The following KCND2 variants were observed in gnomAD, a reference collection of about 807,000 sequenced individuals.
KCND2 encodes A-type voltage-gated potassium channel KCND2.
A neutral mutation model predicts 54.4 loss-of-function variants in KCND2; 16 were observed. That is an observed-to-expected ratio of 0.29 (90% CI 0.20 to 0.45). The LOEUF is 0.45. Ranked by LOEUF, KCND2 falls within the 20% of genes least tolerant of loss-of-function variation. KCND2 has a pLI of 1.00. For synonymous variants in KCND2, 317 were observed against 310.7 expected, an observed-to-expected ratio of 1.02 and a Z score of -0.21; for missense variants, 486 against 824.2, an observed-to-expected ratio of 0.59 and a Z score of 5.02.
intron 1 of KCND2, among the ~76,000 whole-genome samples, chr7:120,585,801 G>A (rs920811365): frequency 2.0e-5 from 3 of 152,130 alleles, no homozygotes; most frequent in East Asian, 1.9e-4. Flanking sequence ...ATATTTGAAC[G>A]CAATGATAAT....
intron 1 of KCND2, among the ~76,000 whole-genome samples, chr7:120,644,564 T>C (rs542370635): frequency 9.8e-4 from 150 of 152,320 alleles, no homozygotes; most frequent in Middle Eastern, 6.8e-3. Context: ...AAAGATTTTG[T>C]TTCTCATCAA....
intron 1 of KCND2, among the ~76,000 whole-genome samples, chr7:120,442,247 T>C (rs1382153707): frequency 6.6e-6 from 1 of 152,104 alleles, no homozygotes; most frequent in Non-Finnish European, 1.5e-5. Flanking sequence ...CTGCTGTCCA[T>C]GAGTCTAATC....
At chr7:120,474,463 A>G (rs564293901) in intron 1 of KCND2, among the ~76,000 whole-genome samples, 27 of 151,584 alleles carry the variant, frequency 1.8e-4, no homozygotes, top group African/African-American at 6.1e-4. Flanking sequence ...TTAGTCTCCA[A>G]TGTAGCTGGG....
chr7:120,403,808 A>C (rs1239610910), intron 1 of KCND2, among the ~76,000 whole-genome samples: 1 of 152,100 alleles, frequency 6.6e-6, no homozygotes, highest in Non-Finnish European at 1.5e-5. Context: ...TTTTCCAGAT[A>C]TAAACAATGA....
chr7:120,525,114 G>A (rs112476816), intron 1 of KCND2, among the ~76,000 whole-genome samples: 9 of 152,152 alleles, frequency 5.9e-5, no homozygotes, highest in African/African-American at 2.2e-4. Context: ...TCCTATCATT[G>A]TTTTAGATAA....
intron 1 of KCND2, among the ~76,000 whole-genome samples, chr7:120,347,555 C>T (rs1489113125): frequency 1.3e-5 from 2 of 151,722 alleles, no homozygotes; most frequent in South Asian, 2.1e-4. Flanking sequence ...GTTAGGAGTT[C>T]GAGACCAGCC....
intron 1 of KCND2, among the ~76,000 whole-genome samples, chr7:120,727,999 T>G (rs1001824621): frequency 6.6e-6 from 1 of 151,464 alleles, no homozygotes; most frequent in African/African-American, 2.4e-5. Flanking sequence ...CTGGGTGTGG[T>G]GGCATGTGCC....
At chr7:120,477,659 G>C (rs1802550896) in intron 1 of KCND2, among the ~76,000 whole-genome samples, 1 of 152,068 alleles carries the variant, frequency 6.6e-6, no homozygotes, top group Non-Finnish European at 1.5e-5. Flanking sequence ...AGAAGAGGGG[G>C]AAAGAGAACT....
At chr7:120,313,792 C>A (rs1257085868) in intron 1 of KCND2, among the ~76,000 whole-genome samples, 1 of 127,184 alleles carries the variant, frequency 7.9e-6, no homozygotes, top group African/African-American at 2.8e-5. Flanking sequence ...TCTTTGGAAA[C>A]ATGCAATATT....
rs767210423 is a variant in KCND2, at chr7:120,364,661, T to C, written c.1115+88914T>C. Among the ~76,000 whole-genome samples the C allele has an allele frequency of 1.6e-4, 25 of 152,028 alleles. 1 individual carries two copies. The highest frequency in any genetic ancestry group is 1.2e-4 in the Non-Finnish European group (8 of 67,990). ...TAGAGGTCATTGGACAGACATTATC[T>C]AAGAGGAAACATCAAGGGTAAGGAG... On this transcript the variant is annotated intron_variant, in intron 1 of 5. Coordinates refer to ENST00000331113, the MANE Select transcript of KCND2 (RefSeq NM_012281.3).
intron 1 of KCND2, among the ~76,000 whole-genome samples, chr7:120,328,707 T>A (rs182479661): frequency 3.4e-4 from 52 of 152,318 alleles, no homozygotes; most frequent in Middle Eastern, 6.8e-3. Context: ...TCTTTCATCT[T>A]TACATTTTCT....
chr7:120,564,717 T>C (rs550038619), intron 1 of KCND2, among the ~76,000 whole-genome samples: 1 of 152,262 alleles, frequency 6.6e-6, no homozygotes, highest in African/African-American at 2.4e-5. Context: ...GCGTTAAACA[T>C]CTTATCTCTA....
At chr7:120,435,341 C>T (rs965715228) in intron 1 of KCND2, among the ~76,000 whole-genome samples, 7 of 150,922 alleles carry the variant, frequency 4.6e-5, no homozygotes, top group Non-Finnish European at 8.8e-5. Flanking sequence ...TCTTGAACTC[C>T]TGACCTCAAG....
At chr7:120,646,739 T>C (rs1793447434) in intron 1 of KCND2, among the ~76,000 whole-genome samples, 1 of 152,238 alleles carries the variant, frequency 6.6e-6, no homozygotes, top group African/African-American at 2.4e-5. Flanking sequence ...AATAATGAAA[T>C]AGTTTTGTCT....
intron 1 of KCND2, among the ~76,000 whole-genome samples, chr7:120,359,443 CTT>C (rs1488494948): frequency 6.6e-6 from 1 of 151,962 alleles, no homozygotes. Flanking sequence ...TAAGATAAGA[CTT>C]TATAATATGG....
chr7:120,579,818 TAATTATCTGTG>T (rs1367849675), intron 1 of KCND2, among the ~76,000 whole-genome samples: 1 of 152,162 alleles, frequency 6.6e-6, no homozygotes, highest in Non-Finnish European at 1.5e-5. Flanking sequence ...TACCACACTG[TAATTATCTGTG>T]GAATCAATTT....
intron 1 of KCND2, among the ~76,000 whole-genome samples, chr7:120,360,819 G>A (rs551050424): frequency 6.6e-6 from 1 of 152,144 alleles, no homozygotes; most frequent in East Asian, 1.9e-4. Context: ...GGATGGAAAT[G>A]CATAGCTTCC....
At chr7:120,633,570 A>C (rs1280661169) in intron 1 of KCND2, among the ~76,000 whole-genome samples, 1 of 152,180 alleles carries the variant, frequency 6.6e-6, no homozygotes, top group Non-Finnish European at 1.5e-5. Context: ...ATTTATCAAG[A>C]TTATCTTATA....
chr7:120,397,635 A>T (rs1436629215), intron 1 of KCND2, among the ~76,000 whole-genome samples: 1 of 151,916 alleles, frequency 6.6e-6, no homozygotes, highest in African/African-American at 2.4e-5. Context: ...ATCAAGGCCA[A>T]AGTCCAGTAA....
Sources: allele counts gnomAD v4.1 joint callset (sites outside exome capture counted in the v4.1 genomes callset), GRCh38; gene constraint gnomAD v4.1.1; transcripts MANE v1.5; gene names NCBI Gene and HGNC (gene_info 2026-07-23, HGNC 2026-07-21).